The following PRSS55 variants were observed in gnomAD, a reference collection of about 807,000 sequenced individuals.
PRSS55 encodes serine protease 55.
A neutral mutation model predicts 23.6 loss-of-function variants in PRSS55; 41 were observed. The ratio of observed to expected loss-of-function variants is 1.74; its 90% confidence interval spans 1.35 to 2.26. The LOEUF is 2.26. PRSS55 is among the 30% of genes most tolerant of loss of function. The pLI, the probability that PRSS55 is intolerant of heterozygous loss-of-function variation, is 0.00. For synonymous variants in PRSS55, 262 were observed against 175.5 expected (o/e 1.49, Z -3.90); for missense variants, 669 against 439.1 (o/e 1.52, Z -4.68).
At chr8:10,551,363 G>A (rs542279614) in intron 4 of PRSS55, among the ~76,000 whole-genome samples, 1 of 152,322 alleles carries the variant, frequency 6.6e-6, no homozygotes, top group East Asian at 1.9e-4. Context: ...TATTGAATCA[G>A]AATAAGTGTT....
chr8:10,553,832 T>C, intron 4 of PRSS55: 1 of 652,236 alleles, frequency 1.5e-6, no homozygotes, highest in East Asian at 2.8e-5. Context: ...GATATGTTAA[T>C]TAGTTTAATT....
intron 1 of PRSS55, among the ~76,000 whole-genome samples, chr8:10,527,788 A>G (rs2117007642): frequency 6.6e-6 from 1 of 152,322 alleles, no homozygotes; most frequent in South Asian, 2.1e-4. Context: ...GAGGATGAAA[A>G]TAAGAGGGCC....
chr8:10,544,233 T>C (rs937908400), intron 4 of PRSS55, among the ~76,000 whole-genome samples: 17 of 152,226 alleles, frequency 1.1e-4, no homozygotes, highest in African/African-American at 3.9e-4. Flanking sequence ...ACAGTTGTTA[T>C]AGCTTTCTGA....
chr8:10,547,822 T>G (rs555467850), intron 4 of PRSS55, among the ~76,000 whole-genome samples: 3 of 150,186 alleles, frequency 2.0e-5, no homozygotes, highest in African/African-American at 7.3e-5. Flanking sequence ...GTCTTTTATG[T>G]GCCGTTGCTG....
intron 4 of PRSS55, among the ~76,000 whole-genome samples, chr8:10,553,770 G>C (rs1813001736): frequency 6.6e-6 from 1 of 152,190 alleles, no homozygotes; most frequent in South Asian, 2.1e-4. Context: ...AAATTGCTAA[G>C]AGAAGAGATC....
intron 4 of PRSS55, among the ~76,000 whole-genome samples, chr8:10,547,946 AC>A (rs1441856210): frequency 6.9e-6 from 1 of 145,954 alleles, no homozygotes; most frequent in Non-Finnish European, 1.5e-5. Context: ...GTGGAGAGGC[AC>A]AGAGGAGAAC....
intron 4 of PRSS55, among the ~76,000 whole-genome samples, chr8:10,552,337 T>A (rs1189800097): frequency 1.3e-5 from 2 of 152,192 alleles, no homozygotes; most frequent in Non-Finnish European, 2.9e-5. Context: ...ATCTTCCTAC[T>A]TTAATCTACC....
At chr8:10,537,467 G>T (rs1812495870) in intron 4 of PRSS55, among the ~76,000 whole-genome samples, 2 of 152,180 alleles carry the variant, frequency 1.3e-5, no homozygotes, top group Non-Finnish European at 1.5e-5. Context: ...GGGGAGGAAA[G>T]CAGGTGGGGA....
rs1812265180 is a variant in PRSS55, at chr8:10,531,515, TG to T, written c.571del (p.Val191TrpfsTer15). On this transcript the variant is annotated frameshift_variant, in exon 3 of 5. Coordinates refer to ENST00000328655, the MANE Select transcript of PRSS55 (RefSeq NM_198464.4). LOFTEE classifies it high-confidence loss of function. ...QPGPATWREC[W>X]VAGWGQTNAA... Reference sequence around the variant, plus strand: ...CGGCCCTGCCACATGGCGCGAATGCTGGGTGGCAGGTTGGGGCCAGACCAAT... The same window carrying T: ...CGGCCCTGCCACATGGCGCGAATGCTGGTGGCAGGTTGGGGCCAGACCAAT... 6.2e-7 allele frequency: 1 copy of T among 1,613,754 alleles called. No individual in the cohort carries two copies. Among genetic ancestry groups the T allele is most frequent in the South Asian group, 1.1e-5 (1 of 91,084 alleles).
intron 4 of PRSS55, among the ~76,000 whole-genome samples, chr8:10,553,155 C>T (rs911292280): frequency 3.9e-5 from 6 of 152,166 alleles, no homozygotes; most frequent in Non-Finnish European, 7.3e-5. Flanking sequence ...TGAGTTCTCA[C>T]GAGATCTGAT....
chr8:10,547,203 C>T (rs1271275676), intron 4 of PRSS55, among the ~76,000 whole-genome samples: 1 of 152,186 alleles, frequency 6.6e-6, no homozygotes, highest in Non-Finnish European at 1.5e-5. Flanking sequence ...TTGCAACACT[C>T]TTTCCAGAGT....
At chr8:10,531,746 C>T (rs1176719369) in intron 3 of PRSS55, 3 of 632,532 alleles carry the variant, frequency 4.7e-6, no homozygotes, top group African/African-American at 1.8e-5. Context: ...TCCCCTAGTG[C>T]AGTCTGATCC....
In PRSS55 at chr8:10,525,747, C is replaced by T. The variant is rs2116997737; in HGVS notation, c.154+8C>T. 2 of 1,592,264 alleles carry T rather than the reference C, an allele frequency of 1.3e-6. No individual in the cohort carries two copies. Among genetic ancestry groups the T allele is most frequent in the East Asian group, 4.6e-5 (2 of 43,766 alleles). On this transcript the variant is annotated splice_region_variant and intron_variant, in intron 1 of 4. Coordinates refer to ENST00000328655, the MANE Select transcript of PRSS55 (RefSeq NM_198464.4). The stretch of plus-strand genomic sequence containing the variant: ...CCCCCAGCCCAGTCAGTGGTGAGTA[C>T]AGGGGCAGAAGGGGCATGGATGGGG...
chr8:10,549,117 C>A (rs141105559), intron 4 of PRSS55, among the ~76,000 whole-genome samples: 278 of 152,318 alleles, frequency 1.8e-3, no homozygotes, highest in African/African-American at 6.6e-3. Flanking sequence ...TTCGCTTACC[C>A]TGGTCTAGAG....
At position 10,531,427 on chromosome 8, in the gene PRSS55, G is replaced by T; in HGVS notation, c.480G>T (p.Leu160=). ...ACATGGACAATGACATTGCCTTGCT[G>T]CTGCTGGCTTCGCCCATCAAGCTCG... ...RANMDNDIAL[L]LLASPIKLDD... The change falls in exon 3 of 5, where the codon CTG becomes CTT. Residue 160 remains leucine, a synonymous_variant. Transcript: ENST00000328655. 6.2e-7 allele frequency: 1 copy of T among 1,614,232 alleles called. No individual in the cohort carries two copies.
chr8:10,545,601 G>A (rs1812797012), intron 4 of PRSS55, among the ~76,000 whole-genome samples: 1 of 152,142 alleles, frequency 6.6e-6, no homozygotes, highest in African/African-American at 2.4e-5. Context: ...TAATCACCAA[G>A]AAATAGAGGC....
downstream of PRSS55, among the ~76,000 whole-genome samples, chr8:10,542,369 A>G (rs1812680128): frequency 6.6e-6 from 1 of 151,026 alleles, no homozygotes; most frequent in African/African-American, 2.4e-5. Flanking sequence ...TAACAACGTA[A>G]TAAATGCAAT....
At chr8:10,538,223 T>G (rs1193881147) in intron 4 of PRSS55, among the ~76,000 whole-genome samples, 1 of 152,172 alleles carries the variant, frequency 6.6e-6, no homozygotes, top group African/African-American at 2.4e-5. Context: ...TGGTCTTTTC[T>G]TACCAAGGCT....
At chr8:10,549,228 C>T (rs1233869757) in intron 4 of PRSS55, among the ~76,000 whole-genome samples, 3 of 152,180 alleles carry the variant, frequency 2.0e-5, no homozygotes, top group African/African-American at 7.2e-5. Flanking sequence ...CTTTAGGCCT[C>T]TGAAAGGTCC....
Sources: allele counts gnomAD v4.1 joint callset (sites outside exome capture counted in the v4.1 genomes callset), GRCh38; gene constraint gnomAD v4.1.1; transcripts MANE v1.5; gene names NCBI Gene and HGNC (gene_info 2026-07-23, HGNC 2026-07-21).